PDGFC: variants seen among roughly 807,000 people sequenced by gnomAD.
The protein encoded by PDGFC is platelet-derived growth factor C.
Under a neutral mutation model 35.5 loss-of-function variants are expected in PDGFC, and 12 were observed. The observed-to-expected ratio is 0.34, with a 90% CI of 0.22 to 0.55. The LOEUF (loss-of-function observed/expected upper bound fraction) is 0.55, where lower values mean the gene tolerates loss of function less well. PDGFC is among the 20% of genes least tolerant of loss of function. The pLI is 0.91. For missense variants in PDGFC, 322 were observed against 412.4 expected, an observed-to-expected ratio of 0.78 and a Z score of 1.90; for synonymous variants, 159 against 148.8, an observed-to-expected ratio of 1.07 and a Z score of -0.50.
At chr4:156,825,578 T>TAAGAAGAAGAAG (rs1304163404) in intron 2 of PDGFC, among the ~76,000 whole-genome samples, 39 of 94,978 alleles carry the variant, frequency 4.1e-4, no homozygotes, top group East Asian at 8.6e-4. Context: ...ATAATAATAA[T>TAAGAAGAAGAAG]AATAATAATA....
At chr4:156,848,504 CTA>C (rs1186551005) in intron 2 of PDGFC, among the ~76,000 whole-genome samples, 1 of 151,884 alleles carries the variant, frequency 6.6e-6, no homozygotes, top group African/African-American at 2.4e-5. Flanking sequence ...TTGATTATTT[CTA>C]TGATGAAATA....
At chr4:156,940,042 A>G (rs1731769653) in intron 1 of PDGFC, among the ~76,000 whole-genome samples, 1 of 152,134 alleles carries the variant, frequency 6.6e-6, no homozygotes, top group Non-Finnish European at 1.5e-5. Flanking sequence ...ATCAACAATA[A>G]TTCAAGTAGA....
chr4:156,851,954 A>T (rs910860197), intron 1 of PDGFC, among the ~76,000 whole-genome samples: 1 of 143,046 alleles, frequency 7.0e-6, no homozygotes, highest in African/African-American at 2.7e-5. Flanking sequence ...AAAAAAAAAA[A>T]AAATCCGTGT....
intron 3 of PDGFC, among the ~76,000 whole-genome samples, chr4:156,796,964 G>A (rs1731459769): frequency 1.3e-5 from 2 of 152,246 alleles, no homozygotes; most frequent in African/African-American, 4.8e-5. Flanking sequence ...AATGCCAGGT[G>A]TGGTGGCTCA....
chr4:156,959,554 C>T (rs1014161108), intron 1 of PDGFC, among the ~76,000 whole-genome samples: 3 of 151,944 alleles, frequency 2.0e-5, no homozygotes, highest in Non-Finnish European at 2.9e-5. Context: ...TCACCACTAC[C>T]GGGGAAATTT....
rs548598814 is a variant in PDGFC, at chr4:156,786,613, C to T, written c.496-13720G>A. On this transcript the variant is annotated intron_variant, in intron 3 of 5. Coordinates refer to ENST00000502773, the MANE Select transcript of PDGFC (RefSeq NM_016205.3). ...GACTACAAGGGGACACTGTAGGTCA[C>T]GGTGAGGATTAGCAATTTACTCTGG... 1.3e-3 allele frequency among the ~76,000 whole-genome samples: 195 copies of T among 152,106 alleles called. 2 individuals are homozygous for T. Among genetic ancestry groups the T allele is most frequent in the African/African-American group, 3.6e-3 (151 of 41,494 alleles).
intron 1 of PDGFC, among the ~76,000 whole-genome samples, chr4:156,864,090 TA>T (rs1269718947): frequency 6.6e-6 from 1 of 152,130 alleles, no homozygotes; most frequent in Non-Finnish European, 1.5e-5. Flanking sequence ...TCACACATAA[TA>T]GACATTCAAT....
At chr4:156,902,214 AT>A (rs1730805825) in intron 1 of PDGFC, among the ~76,000 whole-genome samples, 1 of 152,252 alleles carries the variant, frequency 6.6e-6, no homozygotes, top group African/African-American at 2.4e-5. Flanking sequence ...GTTATAAAAT[AT>A]ATTTGTGATT....
Position 156,971,434 on chromosome 4 carries a change from AG to A in PDGFC, c.-532del, listed in dbSNP as rs1031815770. On this transcript the variant is annotated 5_prime_UTR_variant, in exon 1 of 6. Transcript: ENST00000502773. ...CCCCACCCCCCACCCCCGAAGGGGG[AG>A]GGGGAAGAAACAAGGCGAGGGCGCC... The A allele has an allele frequency of 3.0e-5, 7 of 232,934 alleles. No individual in the cohort carries two copies. Among genetic ancestry groups the A allele is most frequent in the African/African-American group, 4.7e-5 (2 of 42,354 alleles). 14.4% of individuals were successfully genotyped at this position (232,934 alleles called of 1,614,324 possible). A position where few individuals can be genotyped will look rare whatever the true frequency, so the allele number is the denominator to read the frequency against.
rs140866897 is a variant in PDGFC, at chr4:156,884,394, A to G, written c.119-33978T>C. On this transcript the variant is annotated intron_variant, in intron 1 of 5. Coordinates refer to ENST00000502773, the MANE Select transcript of PDGFC (RefSeq NM_016205.3). ...GAAATTCAGTGGGCTGGCAATAAAG[A>G]AAGTGCCTTTTTGCAGATCACACCG... Among the ~76,000 whole-genome samples, 1,248 of 152,296 alleles carry G rather than the reference A, an allele frequency of 8.2e-3. 7 individuals carry two copies. Among genetic ancestry groups the G allele is most frequent in the Non-Finnish European group, 0.011 (778 of 68,024 alleles).
intron 2 of PDGFC, among the ~76,000 whole-genome samples, chr4:156,824,675 C>T (rs930808275): frequency 5.9e-5 from 9 of 152,000 alleles, no homozygotes; most frequent in African/African-American, 1.2e-4. Flanking sequence ...AGCACTTTTA[C>T]GGAAACATCA....
At chr4:156,922,414 C>T (rs907694585) in intron 1 of PDGFC, among the ~76,000 whole-genome samples, 4 of 152,136 alleles carry the variant, frequency 2.6e-5, no homozygotes, top group African/African-American at 9.7e-5. Context: ...GTACCCAGCT[C>T]CAGCTTACAA....
intron 1 of PDGFC, among the ~76,000 whole-genome samples, chr4:156,851,630 T>C (rs926666903): frequency 8.6e-5 from 13 of 152,006 alleles, no homozygotes; most frequent in African/African-American, 3.1e-4. Context: ...ACTAGGCTAG[T>C]TATAGGCTCC....
chr4:156,899,847 T>C (rs1474477685), intron 1 of PDGFC, among the ~76,000 whole-genome samples: 2 of 152,208 alleles, frequency 1.3e-5, no homozygotes, highest in African/African-American at 2.4e-5. Context: ...ATTTTTCTTA[T>C]GGCATCTACT....
chr4:156,883,379 T>G (rs2111176080), intron 1 of PDGFC, among the ~76,000 whole-genome samples: 1 of 152,290 alleles, frequency 6.6e-6, no homozygotes, highest in East Asian at 1.9e-4. Context: ...GTACTGAAAC[T>G]AAAAATGAAC....
Position 156,967,795 on chromosome 4 carries a change from A to C in PDGFC, c.118+2991T>G, listed in dbSNP as rs138996479. 10 of 152,312 alleles carry C rather than the reference A, an allele frequency of 6.6e-5. No homozygotes were observed. In the East Asian group the frequency reaches 1.9e-3, roughly 29 times the overall value. 9.4% of individuals were successfully genotyped at this position (152,312 alleles called of 1,614,324 possible). A position where few individuals can be genotyped will look rare whatever the true frequency, so the allele number is the denominator to read the frequency against. On this transcript the variant is annotated intron_variant, in intron 1 of 5. Coordinates refer to ENST00000502773, the MANE Select transcript of PDGFC (RefSeq NM_016205.3). ...GAGTATTTTTCACCATGGTCATACAACAAGTATACAGGCCAGACACCCTCC... is the reference window on the plus strand; with the variant it reads ...GAGTATTTTTCACCATGGTCATACACCAAGTATACAGGCCAGACACCCTCC...
rs1017995642 is a variant in PDGFC at position 156,862,758 on chromosome 4, A to G, written c.119-12342T>C. Among the ~76,000 whole-genome samples the G allele has an allele frequency of 5.3e-5, 8 of 150,516 alleles. No individual in the cohort carries two copies. In the East Asian group the frequency reaches 1.4e-3, roughly 26 times the overall value. ...TTTTTTGGTCACCCAGGCTGAGTGT[A>G]GTCTCTGCTCACTGCAACCTCTGCT... On this transcript the variant is annotated intron_variant, in intron 1 of 5. Coordinates refer to ENST00000502773, the MANE Select transcript of PDGFC (RefSeq NM_016205.3).
At chr4:156,857,709 C>T (rs1729615693) in intron 1 of PDGFC, among the ~76,000 whole-genome samples, 1 of 151,992 alleles carries the variant, frequency 6.6e-6, no homozygotes, top group African/African-American at 2.4e-5. Context: ...AGAAGTATTC[C>T]TAGAAAATCA....
In PDGFC at chr4:156,796,491, A is replaced by ATTTTTTTTTTTTTTTTTTTTTTTTTTT. The variant is rs35891804; in HGVS notation, c.495+14345_495+14346insAAAAAAAAAAAAAAAAAAAAAAAAAAA. On this transcript the variant is annotated intron_variant, in intron 3 of 5. Coordinates refer to ENST00000502773, the MANE Select transcript of PDGFC (RefSeq NM_016205.3). ...CGGACAGTATACAGGACCACTTTGT[A>ATTTTTTTTTTTTTTTTTTTTTTTTTTT]TTTTTTTTTTTTTTTTTTTTTTTTT... 3.0e-5 allele frequency among the ~76,000 whole-genome samples: 3 copies of ATTTTTTTTTTTTTTTTTTTTTTTTTTT among 101,628 alleles called. 1 individual carries two copies. Among genetic ancestry groups the ATTTTTTTTTTTTTTTTTTTTTTTTTTT allele is most frequent in the African/African-American group, 3.4e-5 (1 of 29,204 alleles). The allele number at this position is 101,628 out of a possible 152,430, so 66.7% of individuals were successfully genotyped here.
Sources: gnomAD v4.1 joint callset for allele counts (sites outside exome capture counted in the v4.1 genomes callset) on GRCh38, gnomAD v4.1.1 for gene constraint, MANE v1.5 for transcripts, NCBI Gene and HGNC (gene_info 2026-07-23, HGNC 2026-07-21) for gene names.